The following ATXN1 variants were observed in gnomAD, a reference collection of about 807,000 sequenced individuals.
ATXN1 encodes ataxin 1, also known as ataxin-1.
ATXN1 carries 8 observed loss-of-function variants against 56.4 expected under a neutral mutation model. The observed-to-expected ratio is 0.14, with a 90% confidence interval of 0.08 to 0.26. The LOEUF is 0.26. Ranked by LOEUF, ATXN1 falls within the 10% of genes least tolerant of loss-of-function variation. ATXN1 has a pLI of 1.00. For missense variants in ATXN1, 987 were observed against 1,106.5 expected, an observed-to-expected ratio of 0.89 and a Z score of 1.53; for synonymous variants, 514 against 494.6, an observed-to-expected ratio of 1.04 and a Z score of -0.52.
chr6:16,419,966 G>A (rs763405911), intron 6 of ATXN1, among the ~76,000 whole-genome samples: 47 of 152,202 alleles, frequency 3.1e-4, no homozygotes, highest in Non-Finnish European at 6.0e-4. Context: ...GCCATGATCC[G>A]AGGGCATTTT....
At chr6:16,660,531 T>C (rs913204822) in intron 2 of ATXN1, among the ~76,000 whole-genome samples, 1 of 152,216 alleles carries the variant, frequency 6.6e-6, no homozygotes, top group Non-Finnish European at 1.5e-5. Flanking sequence ...TTGTAGCTAA[T>C]TGGACTTTTA....
intron 4 of ATXN1, among the ~76,000 whole-genome samples, chr6:16,524,382 T>C (rs1315648809): frequency 6.6e-6 from 1 of 152,212 alleles, no homozygotes; most frequent in Non-Finnish European, 1.5e-5. Context: ...GAGTATCTTC[T>C]TCGTTTTAAA....
chr6:16,721,528 G>A (rs896459706), intron 2 of ATXN1, among the ~76,000 whole-genome samples: 1 of 152,084 alleles, frequency 6.6e-6, no homozygotes, highest in Non-Finnish European at 1.5e-5. Context: ...TCGGGAGGCT[G>A]GAACAAGAGG....
intron 4 of ATXN1, among the ~76,000 whole-genome samples, chr6:16,565,510 C>T (rs1044999278): frequency 2.6e-5 from 4 of 152,032 alleles, no homozygotes; most frequent in Non-Finnish European, 4.4e-5. Flanking sequence ...TTTAAAGGAA[C>T]GTTGAGGTTA....
chr6:16,362,097 C>A (rs913794190), intron 6 of ATXN1, among the ~76,000 whole-genome samples: 21 of 152,166 alleles, frequency 1.4e-4, no homozygotes, highest in African/African-American at 5.1e-4. Context: ...TGTAGACATT[C>A]CGTAACTGGT....
chr6:16,326,376 C>T lies in ATXN1; in HGVS notation c.1917+18G>A. ...ACGGTGTGGTGTCCCATCCCTGTGC[C>T]ACCCTGGCTAACGTTACCTGGGCTC... On this transcript the variant is annotated intron_variant, in intron 7 of 7. Transcript: ENST00000436367. The surrounding 1 kb of genome is among the most constrained non-coding windows in gnomAD (Gnocchi z 6.6). The T allele has an allele frequency of 1.2e-6, 2 of 1,610,906 alleles. No individual in the cohort carries two copies. The highest frequency in any genetic ancestry group is 2.2e-5 in the East Asian group (1 of 44,856).
intron 3 of ATXN1, among the ~76,000 whole-genome samples, chr6:16,656,502 A>C (rs759677976): frequency 1.1e-4 from 17 of 152,184 alleles, no homozygotes; most frequent in Non-Finnish European, 2.1e-4. Flanking sequence ...GTTGATAAAA[A>C]AAAAATTCCT....
intron 3 of ATXN1, among the ~76,000 whole-genome samples, chr6:16,644,997 A>C (rs76513322): frequency 6.6e-6 from 1 of 152,208 alleles, no homozygotes; most frequent in Non-Finnish European, 1.5e-5. Flanking sequence ...GGCCAAATTT[A>C]CATAATATGT....
At chr6:16,631,339 G>GA (rs1763500238) in intron 3 of ATXN1, among the ~76,000 whole-genome samples, 1 of 152,170 alleles carries the variant, frequency 6.6e-6, no homozygotes, top group East Asian at 1.9e-4. Flanking sequence ...CTTATAAGTA[G>GA]AAATGGGTCT....
intron 2 of ATXN1, among the ~76,000 whole-genome samples, chr6:16,668,041 A>G (rs1376735861): frequency 6.6e-6 from 1 of 152,066 alleles, no homozygotes; most frequent in Non-Finnish European, 1.5e-5. Context: ...TTTCGTAACT[A>G]TTAATAGATG....
chr6:16,359,023 C>T (rs1761752307), intron 6 of ATXN1, among the ~76,000 whole-genome samples: 7 of 152,252 alleles, frequency 4.6e-5, no homozygotes, highest in Admixed American at 4.6e-4. Context: ...CAGCCTGCAC[C>T]CTTGGGCGCC....
chr6:16,309,753 G>A (rs957104215), intron 7 of ATXN1, among the ~76,000 whole-genome samples: 2 of 151,958 alleles, frequency 1.3e-5, no homozygotes, highest in Non-Finnish European at 2.9e-5. Flanking sequence ...TCTAGAACAG[G>A]CTGGGTGTGG....
intron 6 of ATXN1, among the ~76,000 whole-genome samples, chr6:16,387,290 T>C (rs17651247): frequency 0.018 from 2,708 of 152,258 alleles, 29 homozygotes; most frequent in Non-Finnish European, 0.028. Context: ...TTGCTCCCTA[T>C]AGGGTCATCA....
intron 5 of ATXN1, among the ~76,000 whole-genome samples, chr6:16,494,186 A>T (rs1052917423): frequency 2.0e-5 from 3 of 151,400 alleles, no homozygotes; most frequent in African/African-American, 7.3e-5. Flanking sequence ...TTAGACCTCA[A>T]GAAGAGTTGG....
At chr6:16,717,165 C>A (rs1469251538) in intron 2 of ATXN1, among the ~76,000 whole-genome samples, 1 of 152,258 alleles carries the variant, frequency 6.6e-6, no homozygotes, top group Non-Finnish European at 1.5e-5. Flanking sequence ...AAGACTGTGT[C>A]CTCAAAAGGG....
At position 16,579,879 on chromosome 6, in the gene ATXN1, T is replaced by C. The variant is rs200326376; in HGVS notation, c.-361+5901A>G. On this transcript the variant is annotated intron_variant, in intron 4 of 7. Coordinates refer to ENST00000436367, the MANE Select transcript of ATXN1 (RefSeq NM_001128164.2). ...AGAGAGAGAGAGAAGAATGATTATT[T>C]TGGAAGAGAAAACAAGAGGGACAGC... Among the ~76,000 whole-genome samples the C allele has an allele frequency of 5.1e-4, 78 of 152,078 alleles. No individual in the cohort carries two copies. The East Asian group carries it at 0.014, about 27-fold the overall frequency.
chr6:16,358,807 T>TG (rs994612671), intron 6 of ATXN1, among the ~76,000 whole-genome samples: 1 of 152,174 alleles, frequency 6.6e-6, no homozygotes, highest in African/African-American at 2.4e-5. Context: ...CCTGTGCTCT[T>TG]GGGGGAGCCT....
intron 6 of ATXN1, among the ~76,000 whole-genome samples, chr6:16,428,234 T>G (rs1759200204): frequency 6.6e-6 from 1 of 151,052 alleles, no homozygotes; most frequent in African/African-American, 2.4e-5. Context: ...TTCTCCTGCC[T>G]CAGCCTCTGG....
At chr6:16,351,548 G>A (rs1331972399) in intron 6 of ATXN1, among the ~76,000 whole-genome samples, 3 of 151,942 alleles carry the variant, frequency 2.0e-5, no homozygotes, top group African/African-American at 7.3e-5. Context: ...GACTACAGGC[G>A]CATGCCACCA....
Sources: gnomAD v4.1 joint callset for allele counts (sites outside exome capture counted in the v4.1 genomes callset) on GRCh38, gnomAD v4.1.1 for gene constraint, Gnocchi (gnomAD v3.1) non-coding constraint, MANE v1.5 for transcripts, NCBI Gene and HGNC (gene_info 2026-07-23, HGNC 2026-07-21) for gene names.